DHRS12: variants seen among roughly 807,000 people sequenced by gnomAD.
DHRS12 encodes the protein dehydrogenase/reductase 12.
A neutral mutation model predicts 32.1 loss-of-function variants in DHRS12; 29 were observed. That is an observed-to-expected ratio of 0.90 (90% CI 0.67 to 1.23). The LOEUF (loss-of-function observed/expected upper bound fraction) is 1.23, where lower values mean the gene tolerates loss of function less well. DHRS12 is among the 50% of genes most tolerant of loss of function. The pLI is 0.00. For synonymous variants in DHRS12, 150 were observed against 135.9 expected (o/e 1.10, Z -0.72); for missense variants, 330 against 337.2 (o/e 0.98, Z 0.17).
intron 4 of DHRS12, among the ~76,000 whole-genome samples, chr13:51,786,550 G>C (rs1954965465): frequency 6.6e-6 from 1 of 152,114 alleles, no homozygotes; most frequent in African/African-American, 2.4e-5. Flanking sequence ...ACTGACCCAG[G>C]GCAGCTCGCT....
intron 6 of DHRS12, chr13:51,773,160 G>A (rs764871290): frequency 3.3e-4 from 260 of 789,292 alleles, no homozygotes; most frequent in Non-Finnish European, 3.4e-4. Context: ...AAATGCTGAG[G>A]CCCAGAAGTG....
At chr13:51,765,641 G>T (rs1397944632), downstream of DHRS12, 1 of 152,184 alleles carries the variant, frequency 6.6e-6, no homozygotes, top group Non-Finnish European at 1.5e-5. Context: ...GCTTCCCTTG[G>T]ATAACGGAGA....
At position 51,804,149 on chromosome 13, in the gene DHRS12, C is replaced by T. The variant is rs561961551; in HGVS notation, c.-104G>A. ...ACGCCTAGCCCCACCGCGCTCCCGG[C>T]GCGGCCTCCGCCCTGGTCCCGCCCC... On this transcript the variant is annotated 5_prime_UTR_variant, in exon 1 of 9. Coordinates refer to ENST00000444610, the MANE Select transcript of DHRS12 (RefSeq NM_001377533.1). 5.5e-3 allele frequency: 7,872 copies of T among 1,441,320 alleles called. 408 individuals are homozygous for T. The African/African-American group carries it at 0.11, about 19-fold the overall frequency. The allele number at this position is 1,441,320 out of a possible 1,614,324, so 89.3% of individuals were successfully genotyped here.
chr13:51,792,159 T>G (rs1715355486), intron 2 of DHRS12, among the ~76,000 whole-genome samples: 1 of 152,238 alleles, frequency 6.6e-6, no homozygotes, highest in South Asian at 2.1e-4. Flanking sequence ...TTTTGAATTT[T>G]TTGAGGAACC....
chr13:51,760,088 C>T, the DHRS12 span: 1 of 248,074 alleles, frequency 4.0e-6, no homozygotes, highest in Non-Finnish European at 7.7e-6. Flanking sequence ...TTCAACACCC[C>T]ATTTTACTTG....
At chr13:51,772,890 G>C in intron 6 of DHRS12, 1 of 985,472 alleles carries the variant, frequency 1.0e-6, no homozygotes, top group Non-Finnish European at 1.2e-6. Flanking sequence ...CTGGGGTCAA[G>C]GAGCAAAACT....
chr13:51,757,899 C>G, the DHRS12 span, among the ~76,000 whole-genome samples: 1 of 151,656 alleles, frequency 6.6e-6, no homozygotes, highest in African/African-American at 2.4e-5. Flanking sequence ...AGCAAAAGCC[C>G]TGTGGTTTTA....
rs1298732177 is a variant in DHRS12, at chr13:51,777,067, G to C, written c.356C>G (p.Pro119Arg). 6.2e-7 allele frequency: 1 copy of C among 1,613,800 alleles called. No individual in the cohort carries two copies. The highest frequency in any genetic ancestry group is 1.3e-5 in the African/African-American group (1 of 74,836). ...LIPVLEKEHD[P>R]RVITVSSGGM... ...CCCATAAGGTCAACTCACCACTCGG[G>C]GGTCGTGTTCTTTCTCCAGCACAGG... The change falls in exon 5 of 9, where the codon CCC (proline) becomes CGC (arginine). Residue 119 changes from proline to arginine, a missense_variant. Coordinates refer to ENST00000444610, the MANE Select transcript of DHRS12 (RefSeq NM_001377533.1).
At chr13:51,773,581 C>G (rs1392025238) in intron 6 of DHRS12, among the ~76,000 whole-genome samples, 2 of 152,102 alleles carry the variant, frequency 1.3e-5, no homozygotes, top group Non-Finnish European at 2.9e-5. Context: ...CTCCGGGAAG[C>G]CAAGAGCCGC....
intron 6 of DHRS12, among the ~76,000 whole-genome samples, chr13:51,773,631 C>T (rs1431772625): frequency 6.6e-6 from 1 of 152,114 alleles, no homozygotes; most frequent in Non-Finnish European, 1.5e-5. Flanking sequence ...TCCTCATTCC[C>T]TCTGAGCAGC....
chr13:51,803,853 T>C (rs1366043893), intron 1 of DHRS12: 3 of 400,062 alleles, frequency 7.5e-6, no homozygotes, highest in African/African-American at 6.4e-5. Flanking sequence ...GTCGCGGGCA[T>C]TGAGCGGCTG....
rs893414628 is a variant in DHRS12 at position 51,768,476 on chromosome 13, A to G, written c.698-180T>C. On this transcript the variant is annotated intron_variant, in intron 8 of 8. Transcript: ENST00000444610. ...GATCAGGCAGCATGGATTGATATGT[A>G]AAGTGCAGTTTGGGAACTGGGAGGC... 19 of 1,428,692 alleles carry G rather than the reference A, an allele frequency of 1.3e-5. No individual in the cohort carries two copies. In the South Asian group the frequency reaches 1.7e-4, roughly 12 times the overall value. 88.5% of individuals were successfully genotyped at this position (1,428,692 alleles called of 1,614,324 possible). A position where few individuals can be genotyped will look rare whatever the true frequency, so the allele number is the denominator to read the frequency against.
intron 4 of DHRS12, among the ~76,000 whole-genome samples, chr13:51,781,915 C>T (rs2094702553): frequency 6.6e-6 from 1 of 152,174 alleles, no homozygotes. Context: ...CAGGAGGGCA[C>T]CTAGGGCCCC....
Position 51,768,148 on chromosome 13 carries a change from TCTAAGGCAA to T in DHRS12, c.*30_*38del. On this transcript the variant is annotated 3_prime_UTR_variant, in exon 9 of 9. Coordinates refer to ENST00000444610, the MANE Select transcript of DHRS12 (RefSeq NM_001377533.1). ...CCCTAGACCGCACCTTCTGGTATCTTCTAAGGCAATTCTGGTACCGCACTGTGTCTGGGT... is the reference window on the plus strand; with the variant it reads ...CCCTAGACCGCACCTTCTGGTATCTTTTCTGGTACCGCACTGTGTCTGGGT... The T allele has an allele frequency of 2.0e-6, 3 of 1,535,942 alleles. No homozygotes were observed. The highest frequency in any genetic ancestry group is 2.6e-6 in the Non-Finnish European group (3 of 1,146,768).
Position 51,803,852 on chromosome 13 carries a change from A to G in DHRS12, c.-9+202T>C, listed in dbSNP as rs574760114. Reference sequence around the variant, plus strand: ...TCGGGCGCCAGTCTCGGTCGCGGGCATTGAGCGGCTGGAGTCTGGCGACTG... The same window carrying G: ...TCGGGCGCCAGTCTCGGTCGCGGGCGTTGAGCGGCTGGAGTCTGGCGACTG... On this transcript the variant is annotated intron_variant, in intron 1 of 8. Transcript: ENST00000444610. 2.2e-4 allele frequency: 87 copies of G among 393,774 alleles called. 1 individual carries two copies. The highest frequency in any genetic ancestry group is 1.6e-3 in the African/African-American group (76 of 47,142). 24.4% of individuals were successfully genotyped at this position (393,774 alleles called of 1,614,324 possible). A position where few individuals can be genotyped will look rare whatever the true frequency, so the allele number is the denominator to read the frequency against.
chr13:51,794,325 C>A (rs1955413932), intron 2 of DHRS12, among the ~76,000 whole-genome samples: 1 of 152,222 alleles, frequency 6.6e-6, no homozygotes, highest in South Asian at 2.1e-4. Flanking sequence ...ATCATGGGGA[C>A]TGATCCCCCC....
intron 7 of DHRS12, chr13:51,770,663 A>G (rs992758316): frequency 2.9e-6 from 2 of 693,914 alleles, no homozygotes; most frequent in Admixed American, 5.5e-5. Context: ...ACAGGTGAGG[A>G]CTAATTTCTG....
At chr13:51,769,811 T>A (rs1303811464) in intron 7 of DHRS12, among the ~76,000 whole-genome samples, 3 of 152,204 alleles carry the variant, frequency 2.0e-5, no homozygotes, top group African/African-American at 7.2e-5. Context: ...CCCCTCGAGG[T>A]GTCCCACCCT....
the DHRS12 span, among the ~76,000 whole-genome samples, chr13:51,757,510 CATG>C: frequency 1.3e-5 from 2 of 151,538 alleles, no homozygotes; most frequent in African/African-American, 4.8e-5. Flanking sequence ...CCCCTTGAAG[CATG>C]ATAAGAGCAG....
Sources: gnomAD v4.1 joint callset for allele counts (sites outside exome capture counted in the v4.1 genomes callset) on GRCh38, gnomAD v4.1.1 for gene constraint, MANE v1.5 for transcripts, NCBI Gene and HGNC (gene_info 2026-07-23, HGNC 2026-07-21) for gene names.